PTPRT: variants seen among roughly 807,000 people sequenced by gnomAD.
PTPRT encodes the protein receptor-type tyrosine-protein phosphatase T.
PTPRT carries 56 observed loss-of-function variants against 176.8 expected under a neutral mutation model. The observed-to-expected ratio is 0.32, with a 90% CI of 0.26 to 0.40. The LOEUF (loss-of-function observed/expected upper bound fraction) is 0.40, where lower values mean the gene tolerates loss of function less well. PTPRT is among the 10% of genes least tolerant of loss of function. The pLI is 1.00. For synonymous variants in PTPRT, 783 were observed against 739.0 expected (o/e 1.06, Z -0.96); for missense variants, 1,540 against 1,908.2 (o/e 0.81, Z 3.60).
intron 1 of PTPRT, among the ~76,000 whole-genome samples, chr20:43,062,155 G>T (rs1987489178): frequency 6.6e-6 from 1 of 152,222 alleles, no homozygotes; most frequent in South Asian, 2.1e-4. Flanking sequence ...TCTATGCCTT[G>T]ATCAGGGTGG....
intron 12 of PTPRT, among the ~76,000 whole-genome samples, chr20:42,299,977 G>A (rs1395612306): frequency 6.6e-6 from 1 of 151,786 alleles, no homozygotes; most frequent in Non-Finnish European, 1.5e-5. Flanking sequence ...ATAGCTAAAG[G>A]CTGGGTGTGG....
chr20:42,177,172 C>T (rs149278041), intron 16 of PTPRT, among the ~76,000 whole-genome samples: 108 of 152,260 alleles, frequency 7.1e-4, no homozygotes, highest in African/African-American at 2.5e-3. Context: ...GATTCTAATA[C>T]AGTGGGCTGA....
intron 1 of PTPRT, among the ~76,000 whole-genome samples, chr20:43,153,542 T>C (rs1156263290): frequency 6.6e-6 from 1 of 152,128 alleles, no homozygotes; most frequent in Non-Finnish European, 1.5e-5. Flanking sequence ...AAACACAGTA[T>C]AAAATAATTC....
chr20:42,917,069 T>G (rs888900196), intron 1 of PTPRT, among the ~76,000 whole-genome samples: 4 of 152,216 alleles, frequency 2.6e-5, no homozygotes, highest in Non-Finnish European at 5.9e-5. Flanking sequence ...TGCCTAGGTT[T>G]TCTTCTAGGG....
At chr20:42,155,978 C>A (rs182974979) in intron 17 of PTPRT, among the ~76,000 whole-genome samples, 100 of 152,278 alleles carry the variant, frequency 6.6e-4, no homozygotes, top group Non-Finnish European at 1.2e-3. Context: ...TTTGCTTCAT[C>A]CTGGCCCCTG....
intron 7 of PTPRT, among the ~76,000 whole-genome samples, chr20:42,488,371 C>A (rs1043298761): frequency 1.3e-5 from 2 of 152,264 alleles, no homozygotes; most frequent in Middle Eastern, 3.4e-3. Flanking sequence ...TGTAAAGGTA[C>A]CTGTGAACCC....
At chr20:42,107,892 A>G (rs955921094) in intron 23 of PTPRT, among the ~76,000 whole-genome samples, 2 of 152,224 alleles carry the variant, frequency 1.3e-5, no homozygotes, top group Admixed American at 6.5e-5. Context: ...AACAATTTGG[A>G]AAGTACACCC....
chr20:42,588,237 A>C (rs142766854), intron 7 of PTPRT, among the ~76,000 whole-genome samples: 105 of 152,244 alleles, frequency 6.9e-4, no homozygotes, highest in African/African-American at 2.3e-3. Context: ...TGAGGTTAGG[A>C]GCTTAAGACC....
chr20:43,017,528 T>C (rs1381093009), intron 1 of PTPRT, among the ~76,000 whole-genome samples: 1 of 152,126 alleles, frequency 6.6e-6, no homozygotes, highest in Non-Finnish European at 1.5e-5. Flanking sequence ...TGTCCCCACT[T>C]CTCCCTGGGA....
In PTPRT at chr20:42,677,700, C is replaced by CA. The variant is rs200723993; in HGVS notation, c.1153+165dup. On this transcript the variant is annotated intron_variant, in intron 7 of 30. Transcript: ENST00000373187. ...GCAAGAAGGTCCTCTAAAAAACAAA[C>CA]AAACAAAAAAAACCCCAAGGCCTTG... Among the ~76,000 whole-genome samples, 363 of 149,680 alleles carry CA rather than the reference C, an allele frequency of 2.4e-3. 1 individual carries two copies. The highest frequency in any genetic ancestry group is 5.9e-3 in the African/African-American group (241 of 40,718).
At chr20:42,112,327 G>C (rs147575112) in intron 22 of PTPRT, among the ~76,000 whole-genome samples, 1 of 152,248 alleles carries the variant, frequency 6.6e-6, no homozygotes, top group African/African-American at 2.4e-5. Flanking sequence ...CTCTTCTGAA[G>C]AGAACTGTTC....
At chr20:42,481,294 C>G (rs1397921704) in intron 7 of PTPRT, among the ~76,000 whole-genome samples, 3 of 152,138 alleles carry the variant, frequency 2.0e-5, no homozygotes, top group Non-Finnish European at 2.9e-5. Context: ...TCCTCCTAAT[C>G]TCATGGCTAA....
chr20:42,269,465 C>T (rs1270076009), intron 13 of PTPRT, among the ~76,000 whole-genome samples: 2 of 152,204 alleles, frequency 1.3e-5, no homozygotes, highest in African/African-American at 4.8e-5. Context: ...CTCCAAGAAA[C>T]TTCCCATTGA....
At chr20:42,569,853 T>C (rs1207939151) in intron 7 of PTPRT, among the ~76,000 whole-genome samples, 1 of 152,126 alleles carries the variant, frequency 6.6e-6, no homozygotes, top group Non-Finnish European at 1.5e-5. Context: ...TAAATAAATG[T>C]TCATTTATTT....
intron 2 of PTPRT, among the ~76,000 whole-genome samples, chr20:42,883,695 CT>C (rs2079042416): frequency 6.9e-6 from 1 of 144,596 alleles, no homozygotes. Flanking sequence ...ACACACACAC[CT>C]CCCATACACC....
intron 1 of PTPRT, among the ~76,000 whole-genome samples, chr20:42,895,930 T>C (rs980639446): frequency 8.5e-5 from 13 of 152,158 alleles, no homozygotes; most frequent in Non-Finnish European, 1.8e-4. Flanking sequence ...GCCATTTGAA[T>C]GTATGCCATG....
chr20:42,725,799 C>G (rs1025484362), intron 6 of PTPRT, among the ~76,000 whole-genome samples: 3 of 151,930 alleles, frequency 2.0e-5, no homozygotes, highest in African/African-American at 7.3e-5. Flanking sequence ...CCATTTGACC[C>G]AGCAATCCCA....
intron 7 of PTPRT, among the ~76,000 whole-genome samples, chr20:42,605,528 C>T (rs968346545): frequency 6.6e-6 from 1 of 152,204 alleles, no homozygotes. Flanking sequence ...CCTCAGCCAT[C>T]GATTCTCGAC....
At chr20:42,927,280 G>C (rs1295646223) in intron 1 of PTPRT, among the ~76,000 whole-genome samples, 1 of 152,174 alleles carries the variant, frequency 6.6e-6, no homozygotes. Context: ...AAAAAAGGGG[G>C]GCTGGGTGTG....
Sources: allele counts gnomAD v4.1 joint callset (sites outside exome capture counted in the v4.1 genomes callset), GRCh38; gene constraint gnomAD v4.1.1; transcripts MANE v1.5; gene names NCBI Gene and HGNC (gene_info 2026-07-23, HGNC 2026-07-21).